The following KCND2 variants were observed in gnomAD, a reference collection of about 807,000 sequenced individuals.
KCND2 encodes the protein potassium voltage-gated channel subfamily D member 2, also known as A-type voltage-gated potassium channel KCND2.
In KCND2, 16 loss-of-function variants were observed where a neutral mutation model predicts 54.4. That is an observed-to-expected ratio of 0.29 (90% CI 0.20 to 0.45). The LOEUF (loss-of-function observed/expected upper bound fraction) is 0.45, where lower values mean the gene tolerates loss of function less well. Among genes scored for constraint, KCND2 ranks in the 20% least tolerant of loss-of-function variants. The probability of loss-of-function intolerance (pLI) is 1.00; values close to 1 mark genes in which losing one functional copy is unlikely to be tolerated. For synonymous variants in KCND2, 317 were observed against 310.7 expected, an observed-to-expected ratio of 1.02 and a Z score of -0.21; for missense variants, 486 against 824.2, an observed-to-expected ratio of 0.59 and a Z score of 5.02.
intron 1 of KCND2, among the ~76,000 whole-genome samples, chr7:120,303,673 G>A (rs1191189495): frequency 6.6e-6 from 1 of 152,172 alleles, no homozygotes; most frequent in Non-Finnish European, 1.5e-5. Flanking sequence ...ATCCAGAGCA[G>A]CAGAAGACAA....
In KCND2 at chr7:120,275,060, A is replaced by G. The variant is rs1432195503; in HGVS notation, c.428A>G (p.Glu143Gly). 6.2e-7 allele frequency: 1 copy of G among 1,613,938 alleles called. No homozygotes were observed. The highest frequency in any genetic ancestry group is 8.5e-7 in the Non-Finnish European group (1 of 1,179,998). The change falls in exon 1 of 6, where the codon GAG becomes GGG. Residue 143 changes from glutamate (E) to glycine (G), a missense_variant. Coordinates refer to ENST00000331113, the MANE Select transcript of KCND2 (RefSeq NM_012281.3). ...GAGGAGTACAAGGATCGCAGGCGAG[A>G]GAACGCCGAGCGCCTGCAGGACGAC... is the stretch of plus-strand genomic sequence containing the variant. ...CYEEYKDRRR[E>G]NAERLQDDAD...
At chr7:120,507,602 C>T (rs1803045757) in intron 1 of KCND2, among the ~76,000 whole-genome samples, 1 of 151,836 alleles carries the variant, frequency 6.6e-6, no homozygotes, top group African/African-American at 2.4e-5. Flanking sequence ...ATGACTACTG[C>T]CGCAACAACT....
At chr7:120,741,001 T>C in intron 2 of KCND2, 2 of 328,720 alleles carry the variant, frequency 6.1e-6, no homozygotes, top group South Asian at 2.6e-5. Flanking sequence ...ATTGCAAAAA[T>C]ATAATTTTAT....
intron 1 of KCND2, among the ~76,000 whole-genome samples, chr7:120,473,043 G>A (rs1345231050): frequency 6.6e-6 from 1 of 152,170 alleles, no homozygotes; most frequent in African/African-American, 2.4e-5. Context: ...AGAGCTTTCT[G>A]GTCACAACTG....
chr7:120,487,289 T>C (rs1802708498), intron 1 of KCND2, among the ~76,000 whole-genome samples: 1 of 152,014 alleles, frequency 6.6e-6, no homozygotes, highest in Middle Eastern at 3.2e-3. Flanking sequence ...AATTTAGCTC[T>C]CGATATCAGA....
Position 120,748,130 on chromosome 7 carries a change from A to G in KCND2, c.*272A>G. ...ATGCCGCCTACTGATGCTTCTTATGATCAGAACTCTTTTTTAATAAAATAA... is the reference window on the plus strand; with the variant it reads ...ATGCCGCCTACTGATGCTTCTTATGGTCAGAACTCTTTTTTAATAAAATAA... On this transcript the variant is annotated 3_prime_UTR_variant, in exon 6 of 6. Transcript: ENST00000331113. 1 of 269,600 alleles carries G rather than the reference A, an allele frequency of 3.7e-6. No individual in the cohort carries two copies. Among genetic ancestry groups the G allele is most frequent in the Non-Finnish European group, 7.0e-6 (1 of 142,614 alleles). 16.7% of individuals were successfully genotyped at this position (269,600 alleles called of 1,614,324 possible).
intron 1 of KCND2, among the ~76,000 whole-genome samples, chr7:120,591,390 T>G (rs895601218): frequency 1.3e-5 from 2 of 152,178 alleles, no homozygotes; most frequent in African/African-American, 4.8e-5. Flanking sequence ...GAAATTAGAC[T>G]TACTCTAGTC....
At chr7:120,295,347 A>AACACACAC (rs56748699) in intron 1 of KCND2, among the ~76,000 whole-genome samples, 11 of 141,400 alleles carry the variant, frequency 7.8e-5, no homozygotes, top group African/African-American at 2.3e-4. Context: ...GTCATAGAGT[A>AACACACAC]ACACACACAC....
intron 1 of KCND2, among the ~76,000 whole-genome samples, chr7:120,359,988 T>C (rs1800570540): frequency 6.6e-6 from 1 of 152,138 alleles, no homozygotes; most frequent in South Asian, 2.1e-4. Context: ...GTGAGTCAAT[T>C]AAACCTCTTT....
intron 1 of KCND2, among the ~76,000 whole-genome samples, chr7:120,624,606 C>T (rs1475639227): frequency 6.6e-6 from 1 of 151,952 alleles, no homozygotes; most frequent in Non-Finnish European, 1.5e-5. Flanking sequence ...ATAATAAGAC[C>T]TTGTCTCAAG....
chr7:120,629,721 T>C (rs1793209798), intron 1 of KCND2, among the ~76,000 whole-genome samples: 1 of 152,086 alleles, frequency 6.6e-6, no homozygotes, highest in Non-Finnish European at 1.5e-5. Flanking sequence ...GGTAATGCAG[T>C]TGGAATGGTT....
At chr7:120,317,167 A>G (rs185599125) in intron 1 of KCND2, among the ~76,000 whole-genome samples, 55 of 152,248 alleles carry the variant, frequency 3.6e-4, no homozygotes, top group East Asian at 3.5e-3. Context: ...AATCATTTAT[A>G]TATTCAACAC....
At chr7:120,443,389 G>T (rs1012341870) in intron 1 of KCND2, among the ~76,000 whole-genome samples, 4 of 144,618 alleles carry the variant, frequency 2.8e-5, no homozygotes, top group Non-Finnish European at 6.1e-5. Context: ...TAATAATAAA[G>T]TAATTGCTTT....
chr7:120,402,363 T>C (rs748191031), intron 1 of KCND2, among the ~76,000 whole-genome samples: 4 of 152,198 alleles, frequency 2.6e-5, no homozygotes, highest in Non-Finnish European at 5.9e-5. Flanking sequence ...ATGATTGTAG[T>C]AACTGAATGC....
At chr7:120,685,304 A>G (rs1453930497) in intron 1 of KCND2, among the ~76,000 whole-genome samples, 1 of 152,170 alleles carries the variant, frequency 6.6e-6, no homozygotes, top group Non-Finnish European at 1.5e-5. Context: ...ACAGTTACCT[A>G]AGCACTAAGA....
At chr7:120,530,747 GACCA>G (rs1791833687) in intron 1 of KCND2, among the ~76,000 whole-genome samples, 2 of 151,778 alleles carry the variant, frequency 1.3e-5, no homozygotes, top group Admixed American at 1.3e-4. Flanking sequence ...CACTTTGTTT[GACCA>G]TTATTCAAAT....
intron 1 of KCND2, among the ~76,000 whole-genome samples, chr7:120,433,124 G>A (rs759269784): frequency 5.9e-5 from 9 of 152,040 alleles, no homozygotes; most frequent in African/African-American, 2.2e-4. Context: ...AATCCATATC[G>A]TGTGGACGCT....
chr7:120,705,864 T>G (rs542042939), intron 1 of KCND2, among the ~76,000 whole-genome samples: 1 of 152,258 alleles, frequency 6.6e-6, no homozygotes, highest in East Asian at 1.9e-4. Context: ...TGTGTCCCTT[T>G]CTATCAGTGC....
chr7:120,609,384 A>C (rs1792922718), intron 1 of KCND2, among the ~76,000 whole-genome samples: 1 of 152,056 alleles, frequency 6.6e-6, no homozygotes, highest in African/African-American at 2.4e-5. Flanking sequence ...TTTGGAGCAG[A>C]CTTGGAAACT....
Sources: gnomAD v4.1 joint callset for allele counts (sites outside exome capture counted in the v4.1 genomes callset) on GRCh38, gnomAD v4.1.1 for gene constraint, MANE v1.5 for transcripts, NCBI Gene and HGNC (gene_info 2026-07-23, HGNC 2026-07-21) for gene names.